Variants in FARP1 observed in about 807,000 individuals in gnomAD.
The protein encoded by FARP1 is FERM, ARH/RhoGEF and pleckstrin domain protein 1.
A neutral mutation model predicts 128.8 loss-of-function variants in FARP1; 52 were observed. The ratio of observed to expected loss-of-function variants is 0.40; its 90% confidence interval spans 0.32 to 0.51. FARP1 has a LOEUF of 0.51. FARP1 is among the 20% of genes least tolerant of loss of function. The probability of loss-of-function intolerance (pLI) is 0.45; values close to 1 mark genes in which losing one functional copy is unlikely to be tolerated. For missense variants in FARP1, 1,333 were observed against 1,367.9 expected (o/e 0.97, Z 0.40); for synonymous variants, 580 against 551.8 (o/e 1.05, Z -0.72).
chr13:98,247,970 A>T (rs149822750), intron 2 of FARP1, among the ~76,000 whole-genome samples: 22 of 152,342 alleles, frequency 1.4e-4, no homozygotes, highest in African/African-American at 5.1e-4. Flanking sequence ...AGAGTCGCAG[A>T]TTCCTGACAC....
chr13:98,344,876 C>T (rs1195365576), intron 3 of FARP1, among the ~76,000 whole-genome samples: 4 of 152,174 alleles, frequency 2.6e-5, no homozygotes, highest in Non-Finnish European at 5.9e-5. Flanking sequence ...CCCTGACTCC[C>T]AGCCCTTTTT....
intron 1 of FARP1, among the ~76,000 whole-genome samples, chr13:98,210,919 A>G (rs1345215397): frequency 6.6e-6 from 1 of 152,198 alleles, no homozygotes; most frequent in African/African-American, 2.4e-5. Flanking sequence ...CCACAGAAGT[A>G]GATTTTATAG....
chr13:98,426,277 C>A lies in FARP1; in HGVS notation c.1905+1627C>A, dbSNP rs113070422. Among the ~76,000 whole-genome samples, 455 of 152,148 alleles carry A rather than the reference C, an allele frequency of 3.0e-3. 4 individuals carry two copies. The highest frequency in any genetic ancestry group is 4.7e-3 in the Non-Finnish European group (317 of 68,010). ...CTAAGGTGGGAGGATTGCTTTGAGC[C>A]CAGAAGTTTGAGAGCAGCCTAGACA... On this transcript the variant is annotated intron_variant, in intron 17 of 26. Coordinates refer to ENST00000319562, the MANE Select transcript of FARP1 (RefSeq NM_005766.4).
intron 2 of FARP1, among the ~76,000 whole-genome samples, chr13:98,223,757 T>G (rs1566762118): frequency 1.3e-5 from 2 of 152,222 alleles, no homozygotes; most frequent in Admixed American, 1.3e-4. Flanking sequence ...TGGTTTCAAT[T>G]TATGTTAGGA....
intron 16 of FARP1, among the ~76,000 whole-genome samples, chr13:98,415,664 A>G (rs1336291182): frequency 6.6e-6 from 1 of 152,246 alleles, no homozygotes; most frequent in Non-Finnish European, 1.5e-5. Context: ...AGAACAGGCA[A>G]CCCTTGGGCT....
intron 3 of FARP1, among the ~76,000 whole-genome samples, chr13:98,348,321 A>G (rs1309888007): frequency 6.6e-6 from 1 of 152,236 alleles, no homozygotes; most frequent in African/African-American, 2.4e-5. Flanking sequence ...GTTTAAAAGT[A>G]TAGATTGAGC....
chr13:98,157,166 G>C (rs542360597), intron 1 of FARP1, among the ~76,000 whole-genome samples: 1 of 152,152 alleles, frequency 6.6e-6, no homozygotes, highest in Non-Finnish European at 1.5e-5. Context: ...TGAGTTGACT[G>C]GAGTAGTCAA....
At chr13:98,175,688 C>T (rs770645931) in intron 1 of FARP1, 15 of 161,738 alleles carry the variant, frequency 9.3e-5, no homozygotes, top group East Asian at 1.8e-4. Flanking sequence ...TCCCCACTCC[C>T]GCTCTTCCTA....
rs766113572 is a variant in FARP1 at position 98,446,707 on chromosome 13, G to A, written c.2946G>A (p.Ser982=). Residue 982 remains serine, a synonymous_variant, in exon 26 of 27, where the codon TCG becomes TCA. Coordinates refer to ENST00000319562, the MANE Select transcript of FARP1 (RefSeq NM_005766.4). ...PLASLPLLGY[S]LTIPSESENI... ...CCAGCCTGCCTCTGCTCGGCTACTC[G>A]CTCACCATCCCCTCTGAGTCCGAGA... 23 of 1,613,968 alleles carry A rather than the reference G, an allele frequency of 1.4e-5. No homozygotes were observed. The highest frequency in any genetic ancestry group is 2.2e-5 in the East Asian group (1 of 44,872).
At chr13:98,331,517 C>T (rs1002332083) in intron 2 of FARP1, among the ~76,000 whole-genome samples, 2 of 152,108 alleles carry the variant, frequency 1.3e-5, no homozygotes, top group South Asian at 2.1e-4. Context: ...GATTAAAGTA[C>T]GGTGAGGTTT....
intron 12 of FARP1, among the ~76,000 whole-genome samples, chr13:98,393,990 G>A (rs1192360783): frequency 2.0e-5 from 3 of 152,186 alleles, no homozygotes; most frequent in Non-Finnish European, 4.4e-5. Flanking sequence ...TCAGCTCAGC[G>A]GCGGAACCAT....
chr13:98,198,125 C>T (rs925002842), intron 1 of FARP1, among the ~76,000 whole-genome samples: 1 of 152,168 alleles, frequency 6.6e-6, no homozygotes, highest in Non-Finnish European at 1.5e-5. Flanking sequence ...AGTTATCTCT[C>T]TGATAAGGAC....
intron 1 of FARP1, among the ~76,000 whole-genome samples, chr13:98,163,249 A>G (rs1877010121): frequency 6.6e-6 from 1 of 152,152 alleles, no homozygotes; most frequent in Non-Finnish European, 1.5e-5. Flanking sequence ...GTTGTCACTT[A>G]TAAGTGGGCG....
intron 3 of FARP1, among the ~76,000 whole-genome samples, chr13:98,352,727 A>G (rs1566909356): frequency 6.6e-6 from 1 of 152,244 alleles, no homozygotes; most frequent in African/African-American, 2.4e-5. Context: ...TGGCCTTGCC[A>G]AAGGATTCAG....
Position 98,360,870 on chromosome 13 carries a change from G to A in FARP1, c.277-4525G>A, listed in dbSNP as rs79777396. On this transcript the variant is annotated intron_variant, in intron 3 of 26. Transcript: ENST00000319562. ...AGATTTCAGTGAGAACAGGGGCTAC[G>A]GTTTGGTTGAAGGGGTAGGAGTTTG... is the stretch of plus-strand genomic sequence containing the variant. Among the ~76,000 whole-genome samples, 183 of 152,300 alleles carry A rather than the reference G, an allele frequency of 1.2e-3. 1 individual carries two copies. The highest frequency in any genetic ancestry group is 2.1e-3 in the Admixed American group (32 of 15,294).
intron 16 of FARP1, among the ~76,000 whole-genome samples, chr13:98,418,768 G>C (rs748743316): frequency 2.6e-4 from 40 of 152,230 alleles, no homozygotes; most frequent in Non-Finnish European, 5.1e-4. Context: ...CGGGTCACTA[G>C]ACGAGTCTGA....
At chr13:98,395,114 C>A in intron 12 of FARP1, 113 bp from the exon 13 acceptor site, 1 of 1,303,474 alleles carries the variant, frequency 7.7e-7, no homozygotes, top group Non-Finnish European at 1.0e-6. Flanking sequence ...GGCAGTTCTC[C>A]CGCCGCAGAG....
intron 2 of FARP1, among the ~76,000 whole-genome samples, chr13:98,316,407 T>C (rs1449856328): frequency 6.6e-6 from 1 of 152,208 alleles, no homozygotes; most frequent in Non-Finnish European, 1.5e-5. Flanking sequence ...ATTTTGTAGA[T>C]GTGGAAACAA....
rs1342437535 is a variant in FARP1, at chr13:98,453,324, T to G, written c.*5007T>G. On this transcript the variant is annotated 3_prime_UTR_variant, in exon 27 of 27. Transcript: ENST00000319562. Reference sequence around the variant, plus strand: ...TAAGAAATTCCAAGTCATACAAAAATAAGTGGAGCAAATATCAATGTGTAA... The same window carrying G: ...TAAGAAATTCCAAGTCATACAAAAAGAAGTGGAGCAAATATCAATGTGTAA... 9.5e-7 allele frequency: 1 copy of G among 1,049,318 alleles called. No homozygotes were observed. Among genetic ancestry groups the G allele is most frequent in the Non-Finnish European group, 1.4e-6 (1 of 705,658 alleles). 65.0% of individuals were successfully genotyped at this position (1,049,318 alleles called of 1,614,324 possible). A position where few individuals can be genotyped will look rare whatever the true frequency, so the allele number is the denominator to read the frequency against.
Sources: gnomAD v4.1 joint callset for allele counts (sites outside exome capture counted in the v4.1 genomes callset) on GRCh38, gnomAD v4.1.1 for gene constraint, MANE v1.5 for transcripts, NCBI Gene and HGNC (gene_info 2026-07-23, HGNC 2026-07-21) for gene names.